The following KCNJ3 variants were observed in gnomAD, a reference collection of about 807,000 sequenced individuals.
KCNJ3 encodes the protein potassium inwardly rectifying channel subfamily J member 3.
KCNJ3 carries 4 observed loss-of-function variants against 39.2 expected under a neutral mutation model. The observed-to-expected ratio is 0.10, with a 90% CI of 0.05 to 0.23. The LOEUF is 0.23. Among genes scored for constraint, KCNJ3 ranks in the 10% least tolerant of loss-of-function variants. The probability of loss-of-function intolerance (pLI) is 1.00; values close to 1 mark genes in which losing one functional copy is unlikely to be tolerated. For synonymous variants in KCNJ3, 230 were observed against 237.4 expected, an observed-to-expected ratio of 0.97 and a Z score of 0.29; for missense variants, 276 against 634.9, an observed-to-expected ratio of 0.43 and a Z score of 6.08.
intron 2 of KCNJ3, among the ~76,000 whole-genome samples, chr2:154,719,444 G>A (rs1424921762): frequency 6.6e-6 from 1 of 152,090 alleles, no homozygotes; most frequent in African/African-American, 2.4e-5. Flanking sequence ...AGAAAACAGT[G>A]AAAATCAAGA....
chr2:154,722,004 A>T (rs921215447), intron 2 of KCNJ3, among the ~76,000 whole-genome samples: 1 of 152,210 alleles, frequency 6.6e-6, no homozygotes, highest in Non-Finnish European at 1.5e-5. Context: ...ATTTGTCAAT[A>T]ATCTTTTCTA....
intron 2 of KCNJ3, among the ~76,000 whole-genome samples, chr2:154,735,279 T>C (rs920315089): frequency 5.9e-5 from 9 of 151,420 alleles, no homozygotes; most frequent in Non-Finnish European, 7.4e-5. Flanking sequence ...TCTTTCTTTT[T>C]TTTTTTTTGT....
chr2:154,829,116 A>ATTAT lies in KCNJ3; in HGVS notation c.920-25602_920-25599dup, dbSNP rs553159052. On this transcript the variant is annotated intron_variant, in intron 2 of 2. Transcript: ENST00000295101. ...TATACTAAGGGACTGAAACTCAAAT[A>ATTAT]TTATTTATTTATGTATAACTGATAT... 5.5e-4 allele frequency among the ~76,000 whole-genome samples: 83 copies of ATTAT among 152,250 alleles called. 1 individual carries two copies. The East Asian group carries it at 0.014, about 27-fold the overall frequency.
At chr2:154,769,021 T>C (rs1389022289) in intron 2 of KCNJ3, among the ~76,000 whole-genome samples, 1 of 152,232 alleles carries the variant, frequency 6.6e-6, no homozygotes, top group Non-Finnish European at 1.5e-5. Flanking sequence ...GCTTGTGATT[T>C]TTGCACATTG....
chr2:154,835,029 T>A (rs1487219989), intron 2 of KCNJ3, among the ~76,000 whole-genome samples: 1 of 151,816 alleles, frequency 6.6e-6, no homozygotes, highest in Non-Finnish European at 1.5e-5. Flanking sequence ...TAAATATCAT[T>A]ACCTCCGATA....
chr2:154,835,698 T>C (rs551825240), intron 2 of KCNJ3, among the ~76,000 whole-genome samples: 1 of 152,098 alleles, frequency 6.6e-6, no homozygotes, highest in South Asian at 2.1e-4. Context: ...CTCCTTTCTC[T>C]CTCCCTTCCT....
At chr2:154,767,829 C>T (rs1686161934) in intron 2 of KCNJ3, among the ~76,000 whole-genome samples, 1 of 152,184 alleles carries the variant, frequency 6.6e-6, no homozygotes, top group Non-Finnish European at 1.5e-5. Flanking sequence ...CCTATTTCTC[C>T]ACATCCTCTC....
chr2:154,735,133 C>T (rs1180821277), intron 2 of KCNJ3, among the ~76,000 whole-genome samples: 1 of 149,776 alleles, frequency 6.7e-6, no homozygotes, highest in African/African-American at 2.5e-5. Flanking sequence ...GTCGCCCAGG[C>T]GGGAGTGCAG....
intron 2 of KCNJ3, among the ~76,000 whole-genome samples, chr2:154,812,383 G>A (rs1007314142): frequency 2.6e-5 from 4 of 151,962 alleles, no homozygotes; most frequent in African/African-American, 9.7e-5. Flanking sequence ...CAACTTTTAG[G>A]TGAAAAAGAA....
At chr2:154,716,375 T>G (rs1685181405) in intron 2 of KCNJ3, among the ~76,000 whole-genome samples, 1 of 149,324 alleles carries the variant, frequency 6.7e-6, no homozygotes, top group Non-Finnish European at 1.5e-5. Context: ...TTCGCCTGCC[T>G]CGGCCTCCCA....
At chr2:154,743,048 G>A (rs548220693) in intron 2 of KCNJ3, among the ~76,000 whole-genome samples, 49 of 151,764 alleles carry the variant, frequency 3.2e-4, no homozygotes, top group African/African-American at 1.1e-3. Context: ...TTTGTGTATG[G>A]TGTTATATAA....
intron 2 of KCNJ3, among the ~76,000 whole-genome samples, chr2:154,732,659 C>A (rs1434428878): frequency 6.6e-6 from 1 of 151,978 alleles, no homozygotes; most frequent in Non-Finnish European, 1.5e-5. Context: ...TAAAATATAC[C>A]TTTTGTTTAC....
intron 2 of KCNJ3, among the ~76,000 whole-genome samples, chr2:154,813,341 G>A (rs1687032580): frequency 6.6e-6 from 1 of 152,126 alleles, no homozygotes; most frequent in Non-Finnish European, 1.5e-5. Context: ...GCAAGATTAT[G>A]TTGTTAATGG....
Position 154,709,836 on chromosome 2 carries a change from A to G in KCNJ3, c.919+17A>G. The G allele has an allele frequency of 6.2e-7, 1 of 1,612,894 alleles. No individual in the cohort carries two copies. Among genetic ancestry groups the G allele is most frequent in the Non-Finnish European group, 8.5e-7 (1 of 1,179,318 alleles). ...AAACAACTGGTGAGTAAAAACAGAT[A>G]TGCCATAAAGTTTCTTTATACCATA... On this transcript the variant is annotated intron_variant, in intron 2 of 2. Transcript: ENST00000295101.
intron 2 of KCNJ3, among the ~76,000 whole-genome samples, chr2:154,711,594 T>A (rs566985165): frequency 9.9e-5 from 15 of 152,268 alleles, no homozygotes; most frequent in African/African-American, 3.6e-4. Context: ...ATGTTATAGT[T>A]CTTCAACATT....
At chr2:154,818,122 G>A (rs139372754) in intron 2 of KCNJ3, among the ~76,000 whole-genome samples, 2 of 152,028 alleles carry the variant, frequency 1.3e-5, no homozygotes, top group East Asian at 1.9e-4. Flanking sequence ...CCTTTATTAT[G>A]TATTAACTTA....
At chr2:154,718,135 T>C (rs1033580318) in intron 2 of KCNJ3, among the ~76,000 whole-genome samples, 2 of 152,224 alleles carry the variant, frequency 1.3e-5, no homozygotes, top group African/African-American at 2.4e-5. Context: ...TGGATTTGTA[T>C]AGATTGGACA....
chr2:154,789,422 G>A (rs1686589113), intron 2 of KCNJ3, among the ~76,000 whole-genome samples: 1 of 152,010 alleles, frequency 6.6e-6, no homozygotes, highest in Admixed American at 6.6e-5. Flanking sequence ...AGCAAACAAA[G>A]CTAGGGACCT....
intron 2 of KCNJ3, among the ~76,000 whole-genome samples, chr2:154,712,019 T>TTTAAACCTC (rs887901020): frequency 2.6e-5 from 4 of 152,172 alleles, no homozygotes; most frequent in African/African-American, 9.6e-5. Flanking sequence ...TCTTAACCTC[T>TTTAAACCTC]TAATTAAACC....
Sources: allele counts gnomAD v4.1 joint callset (sites outside exome capture counted in the v4.1 genomes callset), GRCh38; gene constraint gnomAD v4.1.1; transcripts MANE v1.5; gene names NCBI Gene and HGNC (gene_info 2026-07-23, HGNC 2026-07-21).